ADARB2: variants seen among roughly 807,000 people sequenced by gnomAD.
ADARB2 encodes the protein inactive double-stranded RNA-specific editase B2.
A neutral mutation model predicts 62.2 loss-of-function variants in ADARB2; 25 were observed. The observed-to-expected ratio is 0.40, with a 90% confidence interval of 0.29 to 0.56. ADARB2 has a LOEUF of 0.56. Among genes scored for constraint, ADARB2 ranks in the 20% least tolerant of loss-of-function variants. ADARB2 has a pLI of 0.43. For missense variants in ADARB2, 1,071 were observed against 1,077.4 expected, an observed-to-expected ratio of 0.99 and a Z score of 0.08; for synonymous variants, 572 against 500.8, an observed-to-expected ratio of 1.14 and a Z score of -1.90.
intron 1 of ADARB2, among the ~76,000 whole-genome samples, chr10:1,513,800 C>T (rs1325768308): frequency 6.6e-6 from 1 of 152,134 alleles, no homozygotes; most frequent in Non-Finnish European, 1.5e-5. Flanking sequence ...GAAGTGATAG[C>T]CGGTGAATGC....
At chr10:1,576,902 C>T (rs938181617) in intron 1 of ADARB2, among the ~76,000 whole-genome samples, 8 of 152,170 alleles carry the variant, frequency 5.3e-5, no homozygotes, top group Non-Finnish European at 1.0e-4. Context: ...AGCCTCAGTT[C>T]CCCTTCTGGT....
At chr10:1,374,582 G>A (rs1309836698) in intron 2 of ADARB2, among the ~76,000 whole-genome samples, 1 of 152,184 alleles carries the variant, frequency 6.6e-6, no homozygotes, top group Non-Finnish European at 1.5e-5. Flanking sequence ...GAGCATGTGC[G>A]GGTGGGGCCA....
intron 1 of ADARB2, among the ~76,000 whole-genome samples, chr10:1,646,761 GTGTGTGATGTGCTATT>G (rs1038194953): frequency 6.6e-6 from 1 of 152,236 alleles, no homozygotes; most frequent in African/African-American, 2.4e-5. Flanking sequence ...GTGGGAGGGG[GTGTGTGATGTGCTATT>G]TGAGGTGCTG....
intron 3 of ADARB2, among the ~76,000 whole-genome samples, chr10:1,273,368 C>T (rs1831282917): frequency 6.6e-6 from 1 of 152,172 alleles, no homozygotes; most frequent in Non-Finnish European, 1.5e-5. Flanking sequence ...TCAAATGATC[C>T]TCTCACCTCA....
intron 1 of ADARB2, among the ~76,000 whole-genome samples, chr10:1,390,762 G>T (rs1288645268): frequency 6.6e-6 from 1 of 152,216 alleles, no homozygotes; most frequent in Non-Finnish European, 1.5e-5. Context: ...GCCAACTTTG[G>T]ATTTGCAGAT....
chr10:1,459,623 C>T (rs151192863), intron 1 of ADARB2, among the ~76,000 whole-genome samples: 182 of 152,238 alleles, frequency 1.2e-3, no homozygotes, highest in African/African-American at 4.3e-3. Context: ...ATTAGCTGGG[C>T]GTGTGGCACA....
chr10:1,487,054 TG>T (rs1308460359), intron 1 of ADARB2, among the ~76,000 whole-genome samples: 1 of 152,220 alleles, frequency 6.6e-6, no homozygotes, highest in Non-Finnish European at 1.5e-5. Flanking sequence ...CGTGGAGCCC[TG>T]GGCCCCACCA....
chr10:1,335,076 C>G (rs770790779), intron 3 of ADARB2, among the ~76,000 whole-genome samples: 2 of 152,136 alleles, frequency 1.3e-5, no homozygotes, highest in Non-Finnish European at 2.9e-5. Flanking sequence ...CCAAGTCTTA[C>G]GTGTGTGCGT....
intron 3 of ADARB2, among the ~76,000 whole-genome samples, chr10:1,318,261 G>A (rs929623760): frequency 6.6e-6 from 1 of 152,128 alleles, no homozygotes; most frequent in Non-Finnish European, 1.5e-5. Flanking sequence ...TAACAGGAAC[G>A]TGGTAAAGCC....
intron 1 of ADARB2, among the ~76,000 whole-genome samples, chr10:1,543,260 G>T (rs1355499032): frequency 6.6e-6 from 1 of 152,230 alleles, no homozygotes; most frequent in East Asian, 1.9e-4. Flanking sequence ...GGAGGGCTGC[G>T]CCAGGTCCTT....
At chr10:1,228,688 T>C (rs1838553724) in intron 6 of ADARB2, among the ~76,000 whole-genome samples, 1 of 152,220 alleles carries the variant, frequency 6.6e-6, no homozygotes, top group Admixed American at 6.5e-5. Context: ...CATTGAAGAC[T>C]GAGTCTGCGG....
intron 1 of ADARB2, among the ~76,000 whole-genome samples, chr10:1,452,617 T>TG (rs529884307): frequency 0.25 from 5,114 of 20,676 alleles, 194 homozygotes; most frequent in African/African-American, 0.4. Flanking sequence ...ACACGGGGGT[T>TG]GGGGGGGGGA....
At chr10:1,610,250 C>T (rs1013204996) in intron 1 of ADARB2, among the ~76,000 whole-genome samples, 3 of 152,152 alleles carry the variant, frequency 2.0e-5, no homozygotes, top group Non-Finnish European at 2.9e-5. Context: ...TTCTGCTGCT[C>T]GCCTCCAGCC....
intron 1 of ADARB2, among the ~76,000 whole-genome samples, chr10:1,406,192 A>G (rs1256081471): frequency 3.9e-5 from 6 of 152,188 alleles, no homozygotes; most frequent in Non-Finnish European, 8.8e-5. Context: ...GTGGATTGCA[A>G]TGTCACCCTG....
intron 8 of ADARB2, among the ~76,000 whole-genome samples, chr10:1,185,782 G>A (rs993634794): frequency 1.6e-4 from 24 of 152,322 alleles, no homozygotes; most frequent in African/African-American, 4.8e-4. Flanking sequence ...GGAAGCCCTC[G>A]TTTCAAAAGT....
Position 1,294,089 on chromosome 10 carries a change from G to C in ADARB2, c.1078-23020C>G, listed in dbSNP as rs138920783. Among the ~76,000 whole-genome samples, 457 of 152,296 alleles carry C rather than the reference G, an allele frequency of 3.0e-3. 3 individuals carry two copies. The highest frequency in any genetic ancestry group is 0.01 in the Middle Eastern group (3 of 294). On this transcript the variant is annotated intron_variant, in intron 3 of 9. Transcript: ENST00000381312. ...GGAATTCCATCAGGTGGGCTGCAGG[G>C]TGAGGAGGAGATGGATGAAAATCAG...
At chr10:1,706,279 T>A (rs914585678) in intron 1 of ADARB2, among the ~76,000 whole-genome samples, 6 of 152,244 alleles carry the variant, frequency 3.9e-5, no homozygotes, top group African/African-American at 1.4e-4. Context: ...GCTGACCATG[T>A]TTCTTGCCTT....
At chr10:1,204,360 A>C (rs1589150513) in intron 7 of ADARB2, among the ~76,000 whole-genome samples, 1 of 152,194 alleles carries the variant, frequency 6.6e-6, no homozygotes, top group Admixed American at 6.5e-5. Context: ...GCCAGTCTTG[A>C]AGGGGCTGTT....
intron 1 of ADARB2, among the ~76,000 whole-genome samples, chr10:1,630,032 T>C (rs1478429484): frequency 6.6e-6 from 1 of 152,166 alleles, no homozygotes; most frequent in East Asian, 1.9e-4. Context: ...CACTTGGCAC[T>C]TCATGGCCAC....
Sources: gnomAD v4.1 joint callset for allele counts (sites outside exome capture counted in the v4.1 genomes callset) on GRCh38, gnomAD v4.1.1 for gene constraint, MANE v1.5 for transcripts, NCBI Gene and HGNC (gene_info 2026-07-23, HGNC 2026-07-21) for gene names.